The following TFR2 variants were observed in gnomAD, a reference collection of about 807,000 sequenced individuals.
TFR2 encodes transferrin receptor protein 2.
Under a neutral mutation model 91.9 loss-of-function variants are expected in TFR2, and 64 were observed. The ratio of observed to expected loss-of-function variants is 0.70; its 90% CI spans 0.57 to 0.86. TFR2 has a LOEUF of 0.86. Ranked by LOEUF, TFR2 falls within the 40% of genes least tolerant of loss-of-function variation. The pLI is 0.00. For missense variants in TFR2, 950 were observed against 1,080.5 expected, an observed-to-expected ratio of 0.88 and a Z score of 1.69; for synonymous variants, 454 against 459.6, an observed-to-expected ratio of 0.99 and a Z score of 0.15.
chr7:100,628,113 G>A lies in TFR2; in HGVS notation c.1497C>T (p.Leu499=). ...WLEGYLSVLH[L]KAVVYVSLDN... Reference sequence around the variant, plus strand: ...CCAGGCTCACGTACACTACGGCTTTGAGGTGCAGCACGCTGAGGTAGCCCT... The same window carrying A: ...CCAGGCTCACGTACACTACGGCTTTAAGGTGCAGCACGCTGAGGTAGCCCT... Residue 499 remains leucine, a synonymous_variant, in exon 12 of 18, where the codon CTC becomes CTT. Coordinates refer to ENST00000223051, the MANE Select transcript of TFR2 (RefSeq NM_003227.4). 1 of 1,614,136 alleles carries A rather than the reference G, an allele frequency of 6.2e-7. No homozygotes were observed. Among genetic ancestry groups the A allele is most frequent in the Non-Finnish European group, 8.5e-7 (1 of 1,180,000 alleles).
Position 100,627,447 on chromosome 7 carries a change from A to T in TFR2, c.1812T>A (p.Tyr604Ter), listed in dbSNP as rs147286030. Reference sequence around the variant, plus strand: ...CTTGCAGCACCTTATGCAGGTTCTCATAAGTGTCCTCCTTTGTGTGCAGGA... The same window carrying T: ...CTTGCAGCACCTTATGCAGGTTCTCTTAAGTGTCCTCCTTTGTGTGCAGGA... ...YPFLHTKEDT[Y>*]ENLHKVLQGR... The change falls in exon 16 of 18, where the codon TAT (tyrosine) becomes TAA (stop). Residue 604 changes from tyrosine (Y) to a stop codon, truncating the protein, a stop_gained. Transcript: ENST00000223051. LOFTEE classifies it high-confidence loss of function. 3.1e-6 allele frequency: 5 copies of T among 1,598,544 alleles called. No homozygotes were observed. The African/African-American group carries it at 4.0e-5, about 13-fold the overall frequency.
At chr7:100,630,565 C>T (rs1386674662) in intron 9 of TFR2, among the ~76,000 whole-genome samples, 1 of 152,244 alleles carries the variant, frequency 6.6e-6, no homozygotes, top group African/African-American at 2.4e-5. Flanking sequence ...GCTGGGATTA[C>T]AGGCGTGAGC....
At chr7:100,636,856 C>G (rs577261868) in intron 3 of TFR2, among the ~76,000 whole-genome samples, 2 of 152,172 alleles carry the variant, frequency 1.3e-5, no homozygotes, top group South Asian at 4.1e-4. Context: ...CATCCTTGCT[C>G]TCTCCCCAAA....
chr7:100,640,846 GGAA>G lies in TFR2; in HGVS notation c.310_312del (p.Phe104del). 1 of 1,614,102 alleles carries G rather than the reference GGAA, an allele frequency of 6.2e-7. No homozygotes were observed. The highest frequency in any genetic ancestry group is 8.5e-7 in the Non-Finnish European group (1 of 1,180,030). The stretch of plus-strand genomic sequence containing the variant: ...TCTCCGCACGCCTGGCAGGACCCTC[GGAA>G]GGCGACGTAGCCCAGTAGGAAGGCT... On this transcript the variant is annotated inframe_deletion, in exon 3 of 18. Coordinates refer to ENST00000223051, the MANE Select transcript of TFR2 (RefSeq NM_003227.4).
In TFR2 at chr7:100,627,214, G is replaced by C. The variant is rs781639925; in HGVS notation, c.1995+50C>G. On this transcript the variant is annotated intron_variant, in intron 16 of 17. Coordinates refer to ENST00000223051, the MANE Select transcript of TFR2 (RefSeq NM_003227.4). ...AGAAGGGGCTGGACCCCCTGGCCTGGGCAGTGCCTCCCACTCCCAGAGACC... is the reference window on the plus strand; with the variant it reads ...AGAAGGGGCTGGACCCCCTGGCCTGCGCAGTGCCTCCCACTCCCAGAGACC... 2.0e-6 allele frequency: 3 copies of C among 1,534,638 alleles called. No individual in the cohort carries two copies. The South Asian group carries it at 3.6e-5, about 18-fold the overall frequency.
At chr7:100,639,164 G>A (rs1803640055) in intron 3 of TFR2, among the ~76,000 whole-genome samples, 1 of 152,134 alleles carries the variant, frequency 6.6e-6, no homozygotes, top group African/African-American at 2.4e-5. Flanking sequence ...TTACGAGTTG[G>A]AGACCAACCT....
intron 17 of TFR2, 136 bp downstream of exon 17, chr7:100,626,627 G>A: frequency 1.4e-6 from 2 of 1,475,110 alleles, no homozygotes; most frequent in East Asian, 2.5e-5. Context: ...TCCAGGACTG[G>A]GAAGAGAGCA....
intron 3 of TFR2, chr7:100,639,782 CTTTTCTTTTTTTTTTTT>C (rs1803654245): frequency 1.4e-5 from 1 of 70,908 alleles, no homozygotes; most frequent in East Asian, 4.4e-4. Context: ...TTCTTTTTTT[CTTTTCTTTTTTTTTTTT>C]TTTGAGATGG....
rs1803269290 is a variant in TFR2 at position 100,626,825 on chromosome 7, TCTC to T, written c.2071_2073del (p.Glu691del). 1.3e-6 allele frequency: 2 copies of T among 1,549,522 alleles called. No homozygotes were observed. The highest frequency in any genetic ancestry group is 1.7e-6 in the Non-Finnish European group (2 of 1,146,940). On this transcript the variant is annotated inframe_deletion, in exon 17 of 18. Coordinates refer to ENST00000223051, the MANE Select transcript of TFR2 (RefSeq NM_003227.4). ...TCGTCTCTCTCCTCCGAGCTGTAGA[TCTC>T]CTGCCGCAGCTTTTCCGCCGCCCGG... is the stretch of plus-strand genomic sequence containing the variant.
Position 100,629,298 on chromosome 7 carries a change from T to C in TFR2, c.1345A>G (p.Ile449Val), listed in dbSNP as rs768843272. The change falls in exon 10 of 18, where the codon ATA (isoleucine) becomes GTA (valine). Residue 449 changes from isoleucine (I) to valine (V), a missense_variant. Ile to Val is a conservative substitution (Grantham distance 29). Coordinates refer to ENST00000223051, the MANE Select transcript of TFR2 (RefSeq NM_003227.4). ...AAGGTCCGCACCAGCTCCAGGAGTA[T>C]AGCCGTCCCCACAGCGGATTTAGCT... is the stretch of plus-strand genomic sequence containing the variant. The part of the protein sequence containing the change: ...GAAKSAVGTA[I>V]LLELVRTFSS... 285 of 1,613,960 alleles carry C rather than the reference T, an allele frequency of 1.8e-4. No homozygotes were observed. Among genetic ancestry groups the C allele is most frequent in the Non-Finnish European group, 2.3e-4 (271 of 1,179,970 alleles).
intron 17 of TFR2, 92 bp from the exon 18 acceptor site, chr7:100,621,218 T>C: frequency 7.3e-7 from 1 of 1,376,650 alleles, no homozygotes; most frequent in Non-Finnish European, 9.6e-7. Flanking sequence ...TCTTTTTGTT[T>C]TTTTGTTTGT....
At chr7:100,628,004 G>A (rs1429538069) in intron 12 of TFR2, 30 bp from the exon 13 acceptor site, 50 of 1,613,990 alleles carry the variant, frequency 3.1e-5, no homozygotes, top group Non-Finnish European at 4.1e-5. Flanking sequence ...GGGATGCCAG[G>A]CTCAGGGCTC....
chr7:100,626,457 T>A, intron 17 of TFR2: 1 of 1,251,320 alleles, frequency 8.0e-7, no homozygotes, highest in Non-Finnish European at 1.0e-6. Flanking sequence ...GTGGGAGCTA[T>A]AGGAGGGGAG....
intron 15 of TFR2, 41 bp downstream of exon 15, chr7:100,627,536 A>C (rs928870996): frequency 1.2e-6 from 2 of 1,613,934 alleles, no homozygotes; most frequent in Non-Finnish European, 1.7e-6. Flanking sequence ...GACAGGCTGA[A>C]GGACTAGCGC....
At chr7:100,627,864 G>A (rs757146818) in intron 13 of TFR2, 43 bp downstream of exon 13, 60 of 1,613,850 alleles carry the variant, frequency 3.7e-5, no homozygotes, top group Non-Finnish European at 4.6e-5. Context: ...GCTCCTCCCC[G>A]CAACCTACTC....
In TFR2 at chr7:100,627,438, C is replaced by A; in HGVS notation, c.1821G>T (p.Leu607=). 6.3e-7 allele frequency: 1 copy of A among 1,592,586 alleles called. No individual in the cohort carries two copies. Among genetic ancestry groups the A allele is most frequent in the South Asian group, 1.1e-5 (1 of 88,346 alleles). Residue 607 remains leucine (L), a synonymous_variant, in exon 16 of 18, where the codon CTG becomes CTT. Transcript: ENST00000223051. Reference sequence around the variant, plus strand: ...GCAGGCGGCCTTGCAGCACCTTATGCAGGTTCTCATAAGTGTCCTCCTTTG... The same window carrying A: ...GCAGGCGGCCTTGCAGCACCTTATGAAGGTTCTCATAAGTGTCCTCCTTTG... ...LHTKEDTYEN[L]HKVLQGRLPA... is the part of the protein sequence containing the mutation.
chr7:100,635,252 T>C (rs1173112003), intron 3 of TFR2, among the ~76,000 whole-genome samples: 2 of 151,470 alleles, frequency 1.3e-5, no homozygotes, highest in African/African-American at 2.4e-5. Context: ...TTTTCTTTTC[T>C]TTTTTTGGAG....
rs1803681497 is a variant in TFR2, at chr7:100,640,786, C to T, written c.373G>A (p.Glu125Lys). ...CCCTGGTGGAAATCCAGGTCAGGCT[C>T]ATAGTTGACATCCTCACTGACCACC... ...VLVVSEDVNY[E>K]PDLDFHQGRL... Residue 125 changes from glutamate to lysine, a missense_variant, in exon 3 of 18, where the codon GAG (glutamate) becomes AAG (lysine). Coordinates refer to ENST00000223051, the MANE Select transcript of TFR2 (RefSeq NM_003227.4). 1 of 1,614,076 alleles carries T rather than the reference C, an allele frequency of 6.2e-7. No individual in the cohort carries two copies. The highest frequency in any genetic ancestry group is 1.7e-5 in the Admixed American group (1 of 60,008).
Position 100,640,790 on chromosome 7 carries a change from G to A in TFR2, c.369C>T (p.Asn123=), listed in dbSNP as rs1438161376. Residue 123 remains asparagine, a synonymous_variant, in exon 3 of 18, where the codon AAC becomes AAT. Transcript: ENST00000223051. ...GGTGGAAATCCAGGTCAGGCTCATA[G>A]TTGACATCCTCACTGACCACCAACA... is the stretch of plus-strand genomic sequence containing the variant. ...DSVLVVSEDV[N]YEPDLDFHQG... The A allele has an allele frequency of 1.2e-6, 2 of 1,614,196 alleles. No homozygotes were observed. Among genetic ancestry groups the A allele is most frequent in the Admixed American group, 1.7e-5 (1 of 60,024 alleles).
Sources: gnomAD v4.1 joint callset for allele counts (sites outside exome capture counted in the v4.1 genomes callset) on GRCh38, gnomAD v4.1.1 for gene constraint, MANE v1.5 for transcripts, NCBI Gene and HGNC (gene_info 2026-07-23, HGNC 2026-07-21) for gene names.